TBC1D12: variants seen among roughly 807,000 people sequenced by gnomAD.
TBC1D12 encodes the protein TBC1 domain family, member 12.
Under a neutral mutation model 86.7 loss-of-function variants are expected in TBC1D12, and 56 were observed. The observed-to-expected ratio is 0.65, with a 90% CI of 0.52 to 0.81. The LOEUF (loss-of-function observed/expected upper bound fraction) is 0.81, where lower values mean the gene tolerates loss of function less well. TBC1D12 is among the 30% of genes least tolerant of loss of function. TBC1D12 has a pLI of 0.00. For missense variants in TBC1D12, 1,023 were observed against 1,038.8 expected (o/e 0.98, Z 0.21); for synonymous variants, 421 against 411.7 (o/e 1.02, Z -0.27).
chr10:94,512,539 GTT>G (rs2056539473), intron 9 of TBC1D12, among the ~76,000 whole-genome samples: 1 of 152,186 alleles, frequency 6.6e-6, no homozygotes, highest in Non-Finnish European at 1.5e-5. Context: ...GTCAGGCATT[GTT>G]CTAGGCACTT....
At chr10:94,433,749 G>T (rs2055252425) in intron 1 of TBC1D12, among the ~76,000 whole-genome samples, 1 of 152,150 alleles carries the variant, frequency 6.6e-6, no homozygotes, top group African/African-American at 2.4e-5. Context: ...TCTCAGCCAG[G>T]TCACATTATT....
chr10:94,407,865 C>T (rs1228615117), intron 1 of TBC1D12, among the ~76,000 whole-genome samples: 1 of 151,956 alleles, frequency 6.6e-6, no homozygotes, highest in Non-Finnish European at 1.5e-5. Flanking sequence ...ACTCTGGAGG[C>T]TGAAACAGGA....
At chr10:94,493,499 G>A (rs757443966) in intron 4 of TBC1D12, 52 bp downstream of exon 4, 5 of 1,255,378 alleles carry the variant, frequency 4.0e-6, no homozygotes, top group South Asian at 2.6e-5. Context: ...ATAAGAAGAT[G>A]GATGGTAAAA....
At chr10:94,425,912 A>G (rs1479987888) in intron 1 of TBC1D12, among the ~76,000 whole-genome samples, 4 of 152,216 alleles carry the variant, frequency 2.6e-5, no homozygotes, top group East Asian at 1.9e-4. Flanking sequence ...ATAATTAAAT[A>G]TTTAGTTTTT....
At chr10:94,456,809 A>G (rs1418899654) in intron 2 of TBC1D12, among the ~76,000 whole-genome samples, 1 of 152,162 alleles carries the variant, frequency 6.6e-6, no homozygotes, top group Non-Finnish European at 1.5e-5. Flanking sequence ...TACTCCTTGT[A>G]GTTCTATCCG....
chr10:94,444,385 T>A (rs1039886709), intron 2 of TBC1D12, among the ~76,000 whole-genome samples: 7 of 152,064 alleles, frequency 4.6e-5, no homozygotes, highest in African/African-American at 1.4e-4. Flanking sequence ...CAAGAAAGGT[T>A]GGGAACCTCT....
At chr10:94,448,694 G>A (rs747376523) in intron 2 of TBC1D12, among the ~76,000 whole-genome samples, 50 of 151,990 alleles carry the variant, frequency 3.3e-4, no homozygotes, top group Non-Finnish European at 5.3e-4. Context: ...TCCCAGGCTG[G>A]TCTTGAACTC....
chr10:94,474,848 C>T, intron 3 of TBC1D12, 65 bp downstream of exon 3: 2 of 1,417,340 alleles, frequency 1.4e-6, no homozygotes, highest in African/African-American at 1.4e-5. Context: ...ATTTTGTTCA[C>T]TATTTTAAAA....
intron 1 of TBC1D12, among the ~76,000 whole-genome samples, chr10:94,436,806 T>TA (rs2055305726): frequency 6.6e-6 from 1 of 151,754 alleles, no homozygotes. Flanking sequence ...TTTTTTTTTT[T>TA]AATGCTTTAA....
intron 11 of TBC1D12, among the ~76,000 whole-genome samples, chr10:94,529,430 C>G (rs1443934353): frequency 1.3e-5 from 2 of 152,084 alleles, no homozygotes; most frequent in Non-Finnish European, 2.9e-5. Flanking sequence ...ACCAGCCTGA[C>G]CAACATGGAG....
chr10:94,522,662 C>G (rs138235301), intron 11 of TBC1D12, among the ~76,000 whole-genome samples: 2 of 151,962 alleles, frequency 1.3e-5, no homozygotes, highest in African/African-American at 2.4e-5. Flanking sequence ...GTCTGTAATC[C>G]GAGCACTTTG....
At chr10:94,425,997 G>A (rs578107147) in intron 1 of TBC1D12, among the ~76,000 whole-genome samples, 1 of 152,054 alleles carries the variant, frequency 6.6e-6, no homozygotes, top group Admixed American at 6.6e-5. Flanking sequence ...AAATATGATT[G>A]ATTTTTGTGT....
At chr10:94,532,936 G>A in intron 12 of TBC1D12, 92 bp from the exon 13 acceptor site, 1 of 722,226 alleles carries the variant, frequency 1.4e-6, no homozygotes, top group Non-Finnish European at 2.2e-6. Context: ...GTATAATAAA[G>A]CTTTTTCATG....
intron 1 of TBC1D12, among the ~76,000 whole-genome samples, chr10:94,423,496 C>T (rs530555907): frequency 2.0e-4 from 31 of 151,966 alleles, no homozygotes; most frequent in African/African-American, 5.5e-4. Flanking sequence ...TACAGGTGCC[C>T]GCTACCACGC....
chr10:94,473,208 A>G (rs189572567), intron 2 of TBC1D12, among the ~76,000 whole-genome samples: 120 of 151,924 alleles, frequency 7.9e-4, no homozygotes, highest in Non-Finnish European at 1.5e-3. Flanking sequence ...CAAAAAAAAA[A>G]AAATAGCCAG....
At chr10:94,433,081 C>A (rs193136820) in intron 1 of TBC1D12, among the ~76,000 whole-genome samples, 1 of 152,066 alleles carries the variant, frequency 6.6e-6, no homozygotes, top group East Asian at 2.0e-4. Context: ...GGTGTGCACC[C>A]ATAGTCCCAG....
intron 11 of TBC1D12, among the ~76,000 whole-genome samples, chr10:94,525,700 T>C (rs1842270260): frequency 6.6e-6 from 1 of 151,788 alleles, no homozygotes; most frequent in Admixed American, 6.6e-5. Flanking sequence ...AAACCGTAAT[T>C]GCAACAATGT....
At chr10:94,531,639 CTTATTTTATTTTATT>C (rs1202906270) in intron 12 of TBC1D12, among the ~76,000 whole-genome samples, 179 bp downstream of exon 12, 53 of 121,258 alleles carry the variant, frequency 4.4e-4, no homozygotes, top group East Asian at 1.4e-3. Context: ...AAACATAGGG[CTTATTTTATTTTATT>C]TTATTTTATT....
rs2055029436 is a variant in TBC1D12 at position 94,418,514 on chromosome 10, A to T, written c.971+14930A>T. On this transcript the variant is annotated intron_variant, in intron 1 of 12. Transcript: ENST00000225235. ...GATTATTCTCAATTTCTGTAGAACTAGATATGTCTGTTTTTCGCCTTCAAT... is the reference window on the plus strand; with the variant it reads ...GATTATTCTCAATTTCTGTAGAACTTGATATGTCTGTTTTTCGCCTTCAAT... Among the ~76,000 whole-genome samples, 9 of 152,142 alleles carry T rather than the reference A, an allele frequency of 5.9e-5. No individual in the cohort carries two copies. The South Asian group carries it at 1.9e-3, about 31-fold the overall frequency.
Sources: gnomAD v4.1 joint callset for allele counts (sites outside exome capture counted in the v4.1 genomes callset) on GRCh38, gnomAD v4.1.1 for gene constraint, MANE v1.5 for transcripts, NCBI Gene and HGNC (gene_info 2026-07-23, HGNC 2026-07-21) for gene names.